ANKS1B: variants seen among roughly 807,000 people sequenced by gnomAD.
ANKS1B encodes the protein ankyrin repeat and sterile alpha motif domain-containing protein 1B.
A neutral mutation model predicts 148.3 loss-of-function variants in ANKS1B; 36 were observed. The ratio of observed to expected loss-of-function variants is 0.24; its 90% CI spans 0.19 to 0.32. The LOEUF is 0.32. Ranked by LOEUF, ANKS1B falls within the 10% of genes least tolerant of loss-of-function variation. The pLI, the probability that ANKS1B is intolerant of heterozygous loss-of-function variation, is 1.00. For missense variants in ANKS1B, 1,157 were observed against 1,542.6 expected, an observed-to-expected ratio of 0.75 and a Z score of 4.19; for synonymous variants, 542 against 560.8, an observed-to-expected ratio of 0.97 and a Z score of 0.47.
chr12:99,644,894 G>A (rs1216535844), intron 9 of ANKS1B, among the ~76,000 whole-genome samples: 2 of 152,000 alleles, frequency 1.3e-5, no homozygotes, highest in African/African-American at 4.8e-5. Context: ...GTCCATGGCT[G>A]CACCACTCTG....
intron 9 of ANKS1B, chr12:99,648,801 C>T: frequency 6.2e-7 from 1 of 1,601,932 alleles, no homozygotes; most frequent in Non-Finnish European, 8.5e-7. Flanking sequence ...TGAGTCTATG[C>T]AGAGACTAGA....
intron 15 of ANKS1B, among the ~76,000 whole-genome samples, chr12:99,085,338 G>C (rs902920557): frequency 3.4e-5 from 5 of 148,644 alleles, no homozygotes; most frequent in African/African-American, 1.2e-4. Context: ...AAAACTTAAA[G>C]TATAATAATA....
downstream of ANKS1B, among the ~76,000 whole-genome samples, chr12:98,739,306 T>C (rs1276628772): frequency 6.6e-6 from 1 of 152,254 alleles, no homozygotes; most frequent in Non-Finnish European, 1.5e-5. Flanking sequence ...AGATGCTGTC[T>C]GCTCCCAAGG....
intron 12 of ANKS1B, among the ~76,000 whole-genome samples, chr12:99,286,197 A>T (rs1476878020): frequency 6.6e-6 from 1 of 151,582 alleles, no homozygotes; most frequent in Non-Finnish European, 1.5e-5. Context: ...TCGTTTTTCA[A>T]CTTGGATACC....
chr12:98,751,038 G>A lies in ANKS1B; in HGVS notation c.3747+317C>T, dbSNP rs962497381. 3.9e-5 allele frequency among the ~76,000 whole-genome samples: 6 copies of A among 152,200 alleles called. No homozygotes were observed. The highest frequency in any genetic ancestry group is 1.4e-4 in the African/African-American group (6 of 41,442). On this transcript the variant is annotated intron_variant, in intron 26 of 26. Coordinates refer to ENST00000683438, the MANE Select transcript of ANKS1B (RefSeq NM_001352186.2). This position sits in a 1 kb window ranked among gnomAD's most constrained non-coding sequence, Gnocchi z 4.3. ...GGCAGCTGAAGCCCCAGGGAACACT[G>A]CTCCCAAGCTTTCCTGAATCTTTAG...
intron 9 of ANKS1B, among the ~76,000 whole-genome samples, chr12:99,650,761 T>C (rs893317316): frequency 6.6e-6 from 1 of 152,172 alleles, no homozygotes; most frequent in Non-Finnish European, 1.5e-5. Context: ...AAATGTAATA[T>C]AGGATCAATT....
chr12:99,758,954 T>C (rs533806891), intron 8 of ANKS1B, among the ~76,000 whole-genome samples: 2 of 151,964 alleles, frequency 1.3e-5, no homozygotes, highest in East Asian at 3.9e-4. Context: ...AAGAATAGAT[T>C]ATAGGAAAAG....
chr12:99,725,297 A>G (rs1256122168), intron 8 of ANKS1B, among the ~76,000 whole-genome samples: 2 of 152,226 alleles, frequency 1.3e-5, no homozygotes, highest in Non-Finnish European at 2.9e-5. Context: ...GCTCAAAATG[A>G]AGAGATGGAG....
intron 4 of ANKS1B, among the ~76,000 whole-genome samples, chr12:99,799,887 T>C (rs566020971): frequency 1.3e-5 from 2 of 152,160 alleles, no homozygotes; most frequent in East Asian, 3.9e-4. Flanking sequence ...AACTAAGTAA[T>C]ATAAAACCCT....
chr12:99,795,376 A>T (rs2066126528), intron 4 of ANKS1B, among the ~76,000 whole-genome samples: 1 of 151,920 alleles, frequency 6.6e-6, no homozygotes, highest in South Asian at 2.1e-4. Context: ...TCATGTGACA[A>T]GAGAAAAAAA....
chr12:99,615,603 T>G (rs149949068), intron 9 of ANKS1B, among the ~76,000 whole-genome samples: 241 of 152,252 alleles, frequency 1.6e-3, no homozygotes, highest in South Asian at 0.012. Context: ...CCCTTCATGC[T>G]AAAAACTCCC....
At chr12:98,937,695 G>T (rs2099820080) in intron 17 of ANKS1B, among the ~76,000 whole-genome samples, 1 of 152,086 alleles carries the variant, frequency 6.6e-6, no homozygotes, top group African/African-American at 2.4e-5. Context: ...GTGTGGAAGT[G>T]TGCTTGTTTG....
chr12:99,790,073 A>G (rs991155621), intron 4 of ANKS1B, among the ~76,000 whole-genome samples: 1 of 152,198 alleles, frequency 6.6e-6, no homozygotes, highest in Non-Finnish European at 1.5e-5. Flanking sequence ...TTAAGAATCA[A>G]ACTCCCAAAG....
intron 17 of ANKS1B, among the ~76,000 whole-genome samples, chr12:99,052,524 G>A (rs1263900913): frequency 6.8e-6 from 1 of 147,444 alleles, no homozygotes; most frequent in Admixed American, 6.7e-5. Flanking sequence ...TCAGGAGATC[G>A]AGACCATCCT....
intron 25 of ANKS1B, among the ~76,000 whole-genome samples, chr12:98,764,278 G>A (rs1179561978): frequency 1.3e-5 from 2 of 152,344 alleles, no homozygotes; most frequent in African/African-American, 4.8e-5. Flanking sequence ...CCAGGCTGGA[G>A]TGCAGTGGCA....
chr12:99,257,087 A>G (rs1239095579), intron 12 of ANKS1B, among the ~76,000 whole-genome samples: 1 of 152,152 alleles, frequency 6.6e-6, no homozygotes, highest in African/African-American at 2.4e-5. Context: ...TACTAAAAAT[A>G]CAAAAAATTA....
chr12:99,247,698 A>C (rs1486125732), intron 12 of ANKS1B, among the ~76,000 whole-genome samples: 1 of 152,206 alleles, frequency 6.6e-6, no homozygotes, highest in Non-Finnish European at 1.5e-5. Flanking sequence ...TTTAAAATAC[A>C]CCATGCTTTT....
intron 1 of ANKS1B, among the ~76,000 whole-genome samples, chr12:99,957,653 T>G (rs2095343916): frequency 6.6e-6 from 1 of 152,254 alleles, no homozygotes; most frequent in African/African-American, 2.4e-5. Context: ...ATTAAATTTC[T>G]GTGGCTCTCA....
chr12:99,273,547 TTA>T (rs2153990766), intron 12 of ANKS1B, among the ~76,000 whole-genome samples: 1 of 151,542 alleles, frequency 6.6e-6, no homozygotes, highest in African/African-American at 2.4e-5. Flanking sequence ...TCTTAAAACA[TTA>T]TCAGATTCTT....
Sources: allele counts gnomAD v4.1 joint callset (sites outside exome capture counted in the v4.1 genomes callset), GRCh38; gene constraint gnomAD v4.1.1; non-coding constraint Gnocchi (gnomAD v3.1); transcripts MANE v1.5; gene names NCBI Gene and HGNC (gene_info 2026-07-23, HGNC 2026-07-21).